Variants in CFAP161 observed in about 807,000 individuals in gnomAD.
The protein encoded by CFAP161 is cilia- and flagella-associated protein 161.
Under a neutral mutation model 29.0 loss-of-function variants are expected in CFAP161, and 25 were observed. The observed-to-expected ratio is 0.86, with a 90% CI of 0.63 to 1.20. The LOEUF is 1.20. Among genes scored for constraint, CFAP161 ranks in the 50% most tolerant of loss-of-function variants. The probability of loss-of-function intolerance (pLI) is 0.00; values close to 1 mark genes in which losing one functional copy is unlikely to be tolerated. For synonymous variants in CFAP161, 116 were observed against 137.4 expected (o/e 0.84, Z 1.09); for missense variants, 367 against 371.9 (o/e 0.99, Z 0.11).
At chr15:81,100,764 C>G (rs1254677456) in intron 1 of CFAP161, among the ~76,000 whole-genome samples, 2 of 150,658 alleles carry the variant, frequency 1.3e-5, no homozygotes, top group Non-Finnish European at 2.9e-5. Flanking sequence ...TCTAGAACTC[C>G]TGGGTTCAGG....
intron 3 of CFAP161, 42 bp downstream of exon 3, chr15:81,136,790 T>C (rs375594608): frequency 1.3e-6 from 2 of 1,522,884 alleles, no homozygotes; most frequent in South Asian, 1.1e-5. Context: ...ATCATAAATA[T>C]GTTTCACTTG....
chr15:81,135,547 G>C (rs1894795900), intron 2 of CFAP161, among the ~76,000 whole-genome samples, 188 bp downstream of exon 2: 1 of 123,468 alleles, frequency 8.1e-6, no homozygotes, highest in South Asian at 2.6e-4. Flanking sequence ...CCCAGTGTGC[G>C]ATGTTCCCCT....
At chr15:81,146,263 C>T (rs973590280) in intron 5 of CFAP161, among the ~76,000 whole-genome samples, 3 of 152,078 alleles carry the variant, frequency 2.0e-5, no homozygotes, top group Non-Finnish European at 2.9e-5. Context: ...TCTTACACAG[C>T]TTTTAACTTA....
chr15:81,114,593 T>C (rs1275845791), intron 1 of CFAP161, among the ~76,000 whole-genome samples: 1 of 152,210 alleles, frequency 6.6e-6, no homozygotes, highest in African/African-American at 2.4e-5. Context: ...GGATAGAACA[T>C]CGCAATGGGA....
At chr15:81,135,225 A>T in intron 1 of CFAP161, 45 bp from the exon 2 acceptor site, 9 of 983,214 alleles carry the variant, frequency 9.2e-6, no homozygotes, top group South Asian at 1.5e-5. Flanking sequence ...TATTAATACT[A>T]ACATCTATAT....
At chr15:81,131,542 T>A (rs1894711235), upstream of CFAP161, among the ~76,000 whole-genome samples, 1 of 151,880 alleles carries the variant, frequency 6.6e-6, no homozygotes. Flanking sequence ...ATAACCAAAA[T>A]AAAAAACTCA....
At chr15:81,110,088 G>T (rs1894422113) in intron 1 of CFAP161, among the ~76,000 whole-genome samples, 1 of 151,844 alleles carries the variant, frequency 6.6e-6, no homozygotes. Context: ...CCTCAAAATA[G>T]ATCCTGTTCA....
chr15:81,128,016 G>A (rs1013376147), intron 2 of CFAP161, among the ~76,000 whole-genome samples: 4 of 152,226 alleles, frequency 2.6e-5, no homozygotes, highest in African/African-American at 4.8e-5. Flanking sequence ...CAATAACAAG[G>A]TGACACCAGT....
At chr15:81,114,741 G>A (rs1252177464) in intron 1 of CFAP161, among the ~76,000 whole-genome samples, 3 of 152,190 alleles carry the variant, frequency 2.0e-5, no homozygotes, top group Non-Finnish European at 4.4e-5. Context: ...TCGGCTCACT[G>A]CAAGCTCCGC....
intron 1 of CFAP161, among the ~76,000 whole-genome samples, chr15:81,108,566 G>C (rs147835402): frequency 6.6e-6 from 1 of 152,034 alleles, no homozygotes; most frequent in African/African-American, 2.4e-5. Flanking sequence ...AATTAGAAGG[G>C]CCAAACTAGA....
At chr15:81,131,432 A>G (rs1894709839), upstream of CFAP161, among the ~76,000 whole-genome samples, 1 of 152,198 alleles carries the variant, frequency 6.6e-6, no homozygotes, top group Admixed American at 6.5e-5. Context: ...AAAGAATTAA[A>G]GGAAGGTATG....
In CFAP161 at chr15:81,114,705, C is replaced by G. The variant is rs184697302; in HGVS notation, c.-141-12885C>G. Among the ~76,000 whole-genome samples the G allele has an allele frequency of 7.4e-3, 1,119 of 152,244 alleles. 15 individuals carry two copies. Among genetic ancestry groups the G allele is most frequent in the Non-Finnish European group, 9.7e-3 (661 of 68,018 alleles). On this transcript the variant is annotated intron_variant, in intron 1 of 4. Transcript: ENST00000560091. ...TTAAGACGGAGTCTCGCTCTGTCGCCCAGGCTGGAGTGCAGTGGCGCGATC... is the reference window on the plus strand; with the variant it reads ...TTAAGACGGAGTCTCGCTCTGTCGCGCAGGCTGGAGTGCAGTGGCGCGATC...
At chr15:81,141,310 G>C (rs1894904192) in intron 4 of CFAP161, among the ~76,000 whole-genome samples, 2 of 152,036 alleles carry the variant, frequency 1.3e-5, no homozygotes, top group African/African-American at 2.4e-5. Context: ...ATTGTAGAGA[G>C]GTCCTTTTGA....
intron 1 of CFAP161, among the ~76,000 whole-genome samples, chr15:81,119,338 C>T (rs190269437): frequency 4.4e-4 from 67 of 152,196 alleles, no homozygotes; most frequent in African/African-American, 1.5e-3. Flanking sequence ...GAGAGTGTCA[C>T]ATCAGGACTT....
At chr15:81,141,962 G>T (rs1053881256) in intron 4 of CFAP161, among the ~76,000 whole-genome samples, 5 of 152,170 alleles carry the variant, frequency 3.3e-5, no homozygotes, top group Non-Finnish European at 7.3e-5. Flanking sequence ...GGGATTACAG[G>T]CATGAGCCAC....
intron 5 of CFAP161, among the ~76,000 whole-genome samples, chr15:81,145,516 T>C (rs1894991445): frequency 6.6e-6 from 1 of 152,192 alleles, no homozygotes; most frequent in Admixed American, 6.5e-5. Context: ...GTTGTTGTTA[T>C]ATTGTTATTG....
intron 4 of CFAP161, among the ~76,000 whole-genome samples, chr15:81,139,397 T>C (rs1044383821): frequency 6.6e-6 from 1 of 152,152 alleles, no homozygotes; most frequent in Admixed American, 6.6e-5. Flanking sequence ...TGATAAATAT[T>C]GACTTACTGA....
chr15:81,140,811 T>C (rs935410203), intron 4 of CFAP161, among the ~76,000 whole-genome samples: 1 of 152,170 alleles, frequency 6.6e-6, no homozygotes, highest in Non-Finnish European at 1.5e-5. Flanking sequence ...GGTCTTGAAC[T>C]CCTGAGTTCA....
At chr15:81,107,656 C>T (rs1213861814) in intron 1 of CFAP161, among the ~76,000 whole-genome samples, 1 of 151,988 alleles carries the variant, frequency 6.6e-6, no homozygotes, top group South Asian at 2.1e-4. Flanking sequence ...ACCCAGGAGG[C>T]GGAGGTTGTG....
Sources: gnomAD v4.1 joint callset for allele counts (sites outside exome capture counted in the v4.1 genomes callset) on GRCh38, gnomAD v4.1.1 for gene constraint, MANE v1.5 for transcripts, NCBI Gene and HGNC (gene_info 2026-07-23, HGNC 2026-07-21) for gene names.